Variants in ITSN1 observed in about 807,000 individuals in gnomAD.
The protein encoded by ITSN1 is intersectin 1, also known as intersectin-1.
In ITSN1, 58 loss-of-function variants were observed where a neutral mutation model predicts 239.8. The observed-to-expected ratio is 0.24, with a 90% confidence interval of 0.20 to 0.30. The LOEUF (loss-of-function observed/expected upper bound fraction) is 0.30. Among genes scored for constraint, ITSN1 ranks in the 10% least tolerant of loss-of-function variants. The pLI is 1.00. For missense variants in ITSN1, 1,558 were observed against 2,103.3 expected, an observed-to-expected ratio of 0.74 and a Z score of 5.07; for synonymous variants, 780 against 770.8, an observed-to-expected ratio of 1.01 and a Z score of -0.20.
chr21:33,895,945 TTC>T lies in ITSN1; in HGVS notation c.*7647_*7648del, dbSNP rs893629495. 5.9e-5 allele frequency: 9 copies of T among 152,216 alleles called. No individual in the cohort carries two copies. The highest frequency in any genetic ancestry group is 2.2e-4 in the African/African-American group (9 of 41,420). 9.4% of individuals were successfully genotyped at this position (152,216 alleles called of 1,614,324 possible). ...GAGCATTAAGCCAAGCTCAGGTCCC[TTC>T]TGAGTGCATAGCCCCTTGTGGCTGC... On this transcript the variant is annotated 3_prime_UTR_variant, in exon 40 of 40. Transcript: ENST00000381318.
chr21:33,850,895 G>A (rs1054910157), intron 29 of ITSN1, among the ~76,000 whole-genome samples: 1 of 152,188 alleles, frequency 6.6e-6, no homozygotes, highest in Non-Finnish European at 1.5e-5. Flanking sequence ...CCTGGCAGGA[G>A]AGACTTGGTC....
intron 1 of ITSN1, among the ~76,000 whole-genome samples, chr21:33,650,395 T>TTG (rs1472612720): frequency 2.0e-5 from 3 of 152,088 alleles, no homozygotes; most frequent in African/African-American, 4.8e-5. Flanking sequence ...GCCATTCGTT[T>TTG]TGTGTGTGTG....
chr21:33,703,733 A>C (rs1364600518), intron 1 of ITSN1, among the ~76,000 whole-genome samples: 3 of 152,064 alleles, frequency 2.0e-5, no homozygotes, highest in Non-Finnish European at 4.4e-5. Context: ...CTATCTTTTC[A>C]GTTTTCTAAA....
chr21:33,839,900 A>C (rs1490947009), intron 29 of ITSN1, among the ~76,000 whole-genome samples: 1 of 152,116 alleles, frequency 6.6e-6, no homozygotes, highest in African/African-American at 2.4e-5. Flanking sequence ...GCTGCTCCTC[A>C]TCCTGCAGTG....
At chr21:33,730,388 CT>C (rs71194863) in intron 4 of ITSN1, among the ~76,000 whole-genome samples, 1,125 of 49,316 alleles carry the variant, frequency 0.023, 2 homozygotes, top group African/African-American at 0.082. Context: ...GCTCTCTGTT[CT>C]TTTTTTTTTT....
At chr21:33,778,609 C>T (rs1255768597) in intron 14 of ITSN1, among the ~76,000 whole-genome samples, 17 of 93,130 alleles carry the variant, frequency 1.8e-4, no homozygotes, top group South Asian at 7.6e-4. Flanking sequence ...GACGGAGTCT[C>T]GCTCTGTCGC....
intron 8 of ITSN1, among the ~76,000 whole-genome samples, chr21:33,759,170 A>G (rs1211935577): frequency 1.3e-5 from 2 of 152,204 alleles, no homozygotes; most frequent in Non-Finnish European, 2.9e-5. Context: ...CATGACAACA[A>G]CCATATATCA....
chr21:33,656,695 T>TTTTA (rs1204090706), intron 1 of ITSN1, among the ~76,000 whole-genome samples: 17 of 151,890 alleles, frequency 1.1e-4, no homozygotes, highest in African/African-American at 3.6e-4. Context: ...GTGCCACTTG[T>TTTTA]TTTATTTATT....
In ITSN1 at chr21:33,849,821, A is replaced by G. The variant is rs887212571; in HGVS notation, c.3662-6915A>G. 1.6e-4 allele frequency among the ~76,000 whole-genome samples: 24 copies of G among 152,308 alleles called. 1 individual carries two copies. The highest frequency in any genetic ancestry group is 1.4e-3 in the Admixed American group (22 of 15,308). On this transcript the variant is annotated intron_variant, in intron 29 of 39. Transcript: ENST00000381318. Reference sequence around the variant, plus strand: ...ACCCACAAAACTTAAAAATAAAACAAAAACCAACAGGCTCCTCCTTCATAT... The same window carrying G: ...ACCCACAAAACTTAAAAATAAAACAGAAACCAACAGGCTCCTCCTTCATAT...
intron 1 of ITSN1, among the ~76,000 whole-genome samples, chr21:33,672,345 G>A (rs912957769): frequency 6.6e-6 from 1 of 152,084 alleles, no homozygotes; most frequent in Non-Finnish European, 1.5e-5. Context: ...CAGGTAAGAT[G>A]CAAACAATGT....
chr21:33,643,606 C>T (rs998863635), intron 1 of ITSN1: 1 of 152,096 alleles, frequency 6.6e-6, no homozygotes, highest in Admixed American at 6.5e-5. Flanking sequence ...AGCGGCTTCT[C>T]TGTGGAGTTG....
At chr21:33,688,647 A>C (rs1419927720) in intron 1 of ITSN1, among the ~76,000 whole-genome samples, 1 of 152,174 alleles carries the variant, frequency 6.6e-6, no homozygotes, top group Non-Finnish European at 1.5e-5. Context: ...GAGCATGCAG[A>C]GGGAACAACA....
chr21:33,811,125 G>A lies in ITSN1; in HGVS notation c.2470G>A (p.Ala824Thr). Residue 824 changes from alanine to threonine, a missense_variant, in exon 21 of 40, where the codon GCC becomes ACC. By Grantham distance (58) the Ala-to-Thr change is moderately conservative. Coordinates refer to ENST00000381318, the MANE Select transcript of ITSN1 (RefSeq NM_003024.3). ...KPVTDSTSAP[A>T]PKLALRETPA... Reference sequence around the variant, plus strand: ...AGTGACTGATTCAACATCTGCCCCTGCCCCCAAACTGGCCTTGCGTGAGAC... The same window carrying A: ...AGTGACTGATTCAACATCTGCCCCTACCCCCAAACTGGCCTTGCGTGAGAC... The A allele has an allele frequency of 6.2e-7, 1 of 1,612,038 alleles. No individual in the cohort carries two copies. Among genetic ancestry groups the A allele is most frequent in the African/African-American group, 1.3e-5 (1 of 74,246 alleles).
intron 1 of ITSN1, among the ~76,000 whole-genome samples, chr21:33,651,571 G>A (rs1030361446): frequency 1.3e-5 from 2 of 152,220 alleles, no homozygotes. Flanking sequence ...AAATGAAATA[G>A]CAGTGTAAGA....
At chr21:33,693,508 C>T (rs1004212572) in intron 1 of ITSN1, among the ~76,000 whole-genome samples, 53 of 152,096 alleles carry the variant, frequency 3.5e-4, no homozygotes, top group African/African-American at 1.2e-3. Context: ...AGGCATGCGC[C>T]ATCACACTTT....
In ITSN1 at chr21:33,883,714, G is replaced by A. The variant is rs760031294; in HGVS notation, c.4676+43G>A. On this transcript the variant is annotated intron_variant, in intron 36 of 39. Coordinates refer to ENST00000381318, the MANE Select transcript of ITSN1 (RefSeq NM_003024.3). ...CCCAGCATGGGCCCCAGGGCTCCAC[G>A]GCTCTAGGACACACAAGGGGCGGGT... 27 of 1,604,676 alleles carry A rather than the reference G, an allele frequency of 1.7e-5. No homozygotes were observed. In the African/African-American group the frequency reaches 1.9e-4, roughly 11 times the overall value.
At chr21:33,704,432 G>A (rs139044354) in intron 1 of ITSN1, among the ~76,000 whole-genome samples, 1 of 152,240 alleles carries the variant, frequency 6.6e-6, no homozygotes, top group African/African-American at 2.4e-5. Flanking sequence ...TGCCTCTTTG[G>A]TGAAGTTCGT....
At chr21:33,800,598 CT>C (rs1238019226) in intron 19 of ITSN1, among the ~76,000 whole-genome samples, 1 of 151,876 alleles carries the variant, frequency 6.6e-6, no homozygotes, top group Non-Finnish European at 1.5e-5. Flanking sequence ...TAGAATTTTG[CT>C]TTGTTATTGT....
At chr21:33,755,910 T>A (rs2067873768) in intron 8 of ITSN1, among the ~76,000 whole-genome samples, 1 of 152,234 alleles carries the variant, frequency 6.6e-6, no homozygotes, top group African/African-American at 2.4e-5. Flanking sequence ...TGGATTTTTT[T>A]AAAAGAAGAA....
Sources: gnomAD v4.1 joint callset for allele counts (sites outside exome capture counted in the v4.1 genomes callset) on GRCh38, gnomAD v4.1.1 for gene constraint, MANE v1.5 for transcripts, NCBI Gene and HGNC (gene_info 2026-07-23, HGNC 2026-07-21) for gene names.